Variants in HS6ST3 observed in about 807,000 individuals in gnomAD.
The protein encoded by HS6ST3 is heparan-sulfate 6-O-sulfotransferase 3.
A neutral mutation model predicts 36.7 loss-of-function variants in HS6ST3; 12 were observed. The observed-to-expected ratio is 0.33, with a 90% CI of 0.21 to 0.53. The LOEUF (loss-of-function observed/expected upper bound fraction) is 0.53, where lower values mean the gene tolerates loss of function less well. HS6ST3 is among the 20% of genes least tolerant of loss of function. The pLI is 0.95. For synonymous variants in HS6ST3, 240 were observed against 257.5 expected (o/e 0.93, Z 0.65); for missense variants, 584 against 640.9 (o/e 0.91, Z 0.96).
chr13:96,766,547 AAT>A (rs1877122628), intron 1 of HS6ST3, among the ~76,000 whole-genome samples: 1 of 152,166 alleles, frequency 6.6e-6, no homozygotes, highest in South Asian at 2.1e-4. Context: ...GATTGCAGCT[AAT>A]TGTTTGTGGG....
intron 1 of HS6ST3, among the ~76,000 whole-genome samples, chr13:96,656,418 A>T (rs369904727): frequency 3.9e-5 from 6 of 152,144 alleles, no homozygotes; most frequent in East Asian, 1.9e-4. Flanking sequence ...AAAAGTTCAG[A>T]TCTAGAAGTT....
At chr13:96,401,318 A>G (rs2055450120) in intron 1 of HS6ST3, among the ~76,000 whole-genome samples, 1 of 133,086 alleles carries the variant, frequency 7.5e-6, no homozygotes, top group South Asian at 2.6e-4. Context: ...TGATGTCAAT[A>G]CAAACTTAAT....
At chr13:96,112,752 A>G (rs748110094) in intron 1 of HS6ST3, among the ~76,000 whole-genome samples, 2 of 113,174 alleles carry the variant, frequency 1.8e-5, no homozygotes, top group African/African-American at 6.6e-5. Flanking sequence ...GGGGGACAGA[A>G]CAAGACTCTG....
chr13:96,598,144 T>C lies in HS6ST3; in HGVS notation c.708-234346T>C, dbSNP rs543796639. Among the ~76,000 whole-genome samples, 36 of 152,326 alleles carry C rather than the reference T, an allele frequency of 2.4e-4. 2 individuals carry two copies. Among genetic ancestry groups the C allele is most frequent in the African/African-American group, 8.4e-4 (35 of 41,588 alleles). The stretch of plus-strand genomic sequence containing the variant: ...TTGCTCTCTTTTCTTAGGATTGCTT[T>C]GGCTATTAGAGCTGTGTTTTGGTTC... On this transcript the variant is annotated intron_variant, in intron 1 of 1. Transcript: ENST00000376705.
At chr13:96,291,841 A>G (rs774341220) in intron 1 of HS6ST3, among the ~76,000 whole-genome samples, 1 of 152,192 alleles carries the variant, frequency 6.6e-6, no homozygotes, top group East Asian at 1.9e-4. Flanking sequence ...CTGATTCACC[A>G]TGCAGGAAGA....
intron 1 of HS6ST3, among the ~76,000 whole-genome samples, chr13:96,523,652 T>C (rs2056102561): frequency 6.6e-6 from 1 of 152,332 alleles, no homozygotes; most frequent in Admixed American, 6.5e-5. Context: ...TTCCACTTGA[T>C]TGAATTGGCT....
intron 1 of HS6ST3, among the ~76,000 whole-genome samples, chr13:96,396,547 C>A (rs754446316): frequency 6.6e-6 from 1 of 152,056 alleles, no homozygotes; most frequent in Non-Finnish European, 1.5e-5. Context: ...TGATGTCTTC[C>A]TTTTTGATCT....
intron 1 of HS6ST3, among the ~76,000 whole-genome samples, chr13:96,185,682 A>G (rs2054261744): frequency 6.6e-6 from 1 of 152,246 alleles, no homozygotes; most frequent in Admixed American, 6.5e-5. Flanking sequence ...ACCAAAACAC[A>G]CAAACATATA....
chr13:96,500,948 T>C (rs1413079683), intron 1 of HS6ST3, among the ~76,000 whole-genome samples: 1 of 152,166 alleles, frequency 6.6e-6, no homozygotes. Context: ...TGAGACAGAT[T>C]ACAATTTATA....
chr13:96,576,472 A>G (rs1447411694), intron 1 of HS6ST3, among the ~76,000 whole-genome samples: 8 of 152,250 alleles, frequency 5.3e-5, no homozygotes, highest in African/African-American at 1.9e-4. Context: ...TTGAAGAATT[A>G]TATAGGTCTA....
intron 1 of HS6ST3, among the ~76,000 whole-genome samples, chr13:96,811,746 A>C (rs1184693106): frequency 6.6e-6 from 1 of 152,210 alleles, no homozygotes; most frequent in Non-Finnish European, 1.5e-5. Context: ...CACCAAAGGA[A>C]AGCATTGTTT....
intron 1 of HS6ST3, among the ~76,000 whole-genome samples, chr13:96,489,082 A>G (rs1166435468): frequency 6.6e-6 from 1 of 152,098 alleles, no homozygotes; most frequent in Non-Finnish European, 1.5e-5. Flanking sequence ...TGTAATGGGC[A>G]TGTTAACCAA....
At chr13:96,568,355 C>T (rs921880805) in intron 1 of HS6ST3, among the ~76,000 whole-genome samples, 1 of 152,214 alleles carries the variant, frequency 6.6e-6, no homozygotes, top group South Asian at 2.1e-4. Context: ...CAACCTCTGC[C>T]TCCTGGGTTC....
intron 1 of HS6ST3, among the ~76,000 whole-genome samples, chr13:96,484,293 C>CTCCTTCCT (rs146488079): frequency 6.6e-6 from 1 of 151,656 alleles, no homozygotes; most frequent in Non-Finnish European, 1.5e-5. Context: ...TCCTTCCTTC[C>CTCCTTCCT]TCCTTCCTTC....
intron 1 of HS6ST3, among the ~76,000 whole-genome samples, chr13:96,613,149 T>C (rs1453343680): frequency 6.6e-6 from 1 of 152,240 alleles, no homozygotes; most frequent in Non-Finnish European, 1.5e-5. Flanking sequence ...ACTTGACCTA[T>C]TATACAGGTG....
intron 1 of HS6ST3, among the ~76,000 whole-genome samples, chr13:96,348,387 C>T (rs757711552): frequency 2.0e-5 from 3 of 152,100 alleles, no homozygotes; most frequent in East Asian, 3.8e-4. Flanking sequence ...TGGGTTGTGT[C>T]GTATTTAGAG....
intron 1 of HS6ST3, among the ~76,000 whole-genome samples, chr13:96,356,782 A>G (rs61966956): frequency 0.11 from 16,867 of 152,244 alleles, 1,051 homozygotes; most frequent in Middle Eastern, 0.22. Context: ...AGACTCTAAC[A>G]AGAGAGTCAG....
At chr13:96,738,719 A>G (rs1876352254) in intron 1 of HS6ST3, among the ~76,000 whole-genome samples, 1 of 152,224 alleles carries the variant, frequency 6.6e-6, no homozygotes. Flanking sequence ...TATGTGCAAC[A>G]AAATAAATAT....
intron 1 of HS6ST3, among the ~76,000 whole-genome samples, chr13:96,667,335 C>T (rs1158746635): frequency 3.3e-5 from 5 of 152,178 alleles, no homozygotes; most frequent in Non-Finnish European, 5.9e-5. Context: ...GAATCAGTTG[C>T]TTCTTTGCAG....
Sources: allele counts gnomAD v4.1 joint callset (sites outside exome capture counted in the v4.1 genomes callset), GRCh38; gene constraint gnomAD v4.1.1; transcripts MANE v1.5; gene names NCBI Gene and HGNC (gene_info 2026-07-23, HGNC 2026-07-21).